ZNF800: variants seen among roughly 807,000 people sequenced by gnomAD.
ZNF800 encodes the protein zinc finger protein 800.
A neutral mutation model predicts 59.5 loss-of-function variants in ZNF800; 13 were observed. The observed-to-expected ratio is 0.22, with a 90% CI of 0.14 to 0.35. ZNF800 has a LOEUF of 0.35. ZNF800 is among the 10% of genes least tolerant of loss of function. The pLI is 1.00. For synonymous variants in ZNF800, 266 were observed against 265.7 expected, an observed-to-expected ratio of 1.00 and a Z score of -0.01; for missense variants, 621 against 783.7, an observed-to-expected ratio of 0.79 and a Z score of 2.48.
chr7:127,343,876 C>T (rs1248115110), downstream of ZNF800, among the ~76,000 whole-genome samples: 7 of 151,988 alleles, frequency 4.6e-5, no homozygotes, highest in African/African-American at 1.7e-4. Context: ...GAAGTAAAAT[C>T]ACATGATCAT....
downstream of ZNF800, among the ~76,000 whole-genome samples, chr7:127,344,517 C>T (rs1472361589): frequency 6.6e-5 from 10 of 151,878 alleles, no homozygotes; most frequent in African/African-American, 2.4e-5. Context: ...GTGACCAAAA[C>T]ATAACTGAAG....
At chr7:127,350,380 T>C (rs1252922139) in intron 1 of ZNF800, 1 of 152,272 alleles carries the variant, frequency 6.6e-6, no homozygotes, top group East Asian at 1.9e-4. Flanking sequence ...TGTTCAGTAG[T>C]ACATCTCAAT....
At chr7:127,383,153 T>G (rs1234738386) in intron 3 of ZNF800, among the ~76,000 whole-genome samples, 1 of 152,172 alleles carries the variant, frequency 6.6e-6, no homozygotes, top group Non-Finnish European at 1.5e-5. Context: ...GTGGTGGACA[T>G]TAAAAATGAG....
chr7:127,377,286 A>G lies in ZNF800; in HGVS notation c.201T>C (p.Thr67=). 6.2e-6 allele frequency: 10 copies of G among 1,610,980 alleles called. No individual in the cohort carries two copies. Among genetic ancestry groups the G allele is most frequent in the Non-Finnish European group, 8.5e-6 (10 of 1,177,720 alleles). The change falls in exon 4 of 6, where the codon ACT becomes ACC. Residue 67 remains threonine, a synonymous_variant. Transcript: ENST00000265827. This position sits in a 1 kb window ranked among gnomAD's most constrained non-coding sequence, Gnocchi z 4.7. ...TGCGGCATAACTTACATTCAAAAAT[A>G]GTGTCCACATCTTTTAATAAAATAT... ...LKHILLKDVD[T]IFECKLCRSL... is the part of the protein sequence containing the mutation.
exon 2 of ZNF800, chr7:127,347,444 T>C (rs1800087792): frequency 6.6e-6 from 1 of 151,420 alleles, no homozygotes; most frequent in South Asian, 2.1e-4. Context: ...GAGGTGAAGG[T>C]TCAAGTAGGA....
In ZNF800 at chr7:127,370,611, T is replaced by A. The variant is rs1800610429; in HGVS notation, c.*1203A>T. On this transcript the variant is annotated 3_prime_UTR_variant, in exon 6 of 6. Transcript: ENST00000265827. ...ATAGATGGACAGGGTCCCTCCTAAG[T>A]ACAGGTGTGAACCTATATAAAAACA... is the stretch of plus-strand genomic sequence containing the variant. 1 of 152,552 alleles carries A rather than the reference T, an allele frequency of 6.6e-6. No individual in the cohort carries two copies. Among genetic ancestry groups the A allele is most frequent in the South Asian group, 2.1e-4 (1 of 4,828 alleles). 9.4% of individuals were successfully genotyped at this position (152,552 alleles called of 1,614,324 possible).
chr7:127,390,456 G>A (rs1226387629), intron 2 of ZNF800, among the ~76,000 whole-genome samples: 1 of 152,096 alleles, frequency 6.6e-6, no homozygotes, highest in African/African-American at 2.4e-5. Flanking sequence ...GTTGTAGTAC[G>A]AATTTTATCC....
At chr7:127,363,515 A>G (rs1042307287) in intron 1 of ZNF800, 3 of 152,056 alleles carry the variant, frequency 2.0e-5, no homozygotes, top group Non-Finnish European at 4.4e-5. Context: ...TACAAAAAAA[A>G]GACAGGACTC....
chr7:127,378,730 C>CACAGAG (rs1554376896), intron 3 of ZNF800, among the ~76,000 whole-genome samples: 3 of 150,004 alleles, frequency 2.0e-5, no homozygotes, highest in East Asian at 1.9e-4. Flanking sequence ...CACACACACA[C>CACAGAG]AGAGAGAGAG....
intron 3 of ZNF800, among the ~76,000 whole-genome samples, chr7:127,382,912 CT>C (rs1378378077): frequency 6.6e-6 from 1 of 152,170 alleles, no homozygotes; most frequent in Non-Finnish European, 1.5e-5. Flanking sequence ...TTATTTTTTC[CT>C]CTATACCCTT....
chr7:127,376,428 C>T (rs1800789449), intron 4 of ZNF800, among the ~76,000 whole-genome samples: 2 of 151,864 alleles, frequency 1.3e-5, no homozygotes, highest in Admixed American at 1.3e-4. Context: ...TTTAAATTTA[C>T]ATTAATTCTT....
intron 1 of ZNF800, among the ~76,000 whole-genome samples, chr7:127,357,972 A>T (rs1459202376): frequency 6.6e-6 from 1 of 152,046 alleles, no homozygotes; most frequent in African/African-American, 2.4e-5. Context: ...AGTATAATAC[A>T]TTGATTCTAT....
chr7:127,372,326 C>T (rs1800653846), intron 5 of ZNF800, among the ~76,000 whole-genome samples: 1 of 151,562 alleles, frequency 6.6e-6, no homozygotes, highest in Non-Finnish European at 1.5e-5. Context: ...ACTAAAAATA[C>T]AAAATTAGCC....
chr7:127,378,642 GTTTACA>G (rs776120170), intron 3 of ZNF800, among the ~76,000 whole-genome samples: 1 of 151,870 alleles, frequency 6.6e-6, no homozygotes, highest in Admixed American at 6.6e-5. Context: ...TTTGCAATCT[GTTTACA>G]TTTAATCTTT....
chr7:127,376,472 G>T (rs1320225918), intron 4 of ZNF800, among the ~76,000 whole-genome samples: 2 of 151,824 alleles, frequency 1.3e-5, no homozygotes, highest in East Asian at 3.8e-4. Flanking sequence ...TACACTGCCA[G>T]CCTCATCACA....
chr7:127,351,871 T>A (rs995388446), intron 1 of ZNF800, among the ~76,000 whole-genome samples: 1 of 152,210 alleles, frequency 6.6e-6, no homozygotes, highest in African/African-American at 2.4e-5. Context: ...ACTGACATCA[T>A]ATACTCAAAT....
chr7:127,385,980 T>C, intron 3 of ZNF800, 80 bp downstream of exon 3: 1 of 927,018 alleles, frequency 1.1e-6, no homozygotes, highest in East Asian at 2.6e-5. Flanking sequence ...TAATGTTTTT[T>C]AAAAATTATT....
intron 1 of ZNF800, chr7:127,361,070 G>C (rs1272547970): frequency 6.6e-6 from 1 of 152,244 alleles, no homozygotes; most frequent in Non-Finnish European, 1.5e-5. Flanking sequence ...CAGTCTAGTT[G>C]GGGAGACCCA....
intron 1 of ZNF800, among the ~76,000 whole-genome samples, chr7:127,352,105 A>G (rs1800177619): frequency 6.6e-6 from 1 of 152,256 alleles, no homozygotes; most frequent in South Asian, 2.1e-4. Flanking sequence ...AAGGATAAAT[A>G]AAATTGAAGA....
Sources: allele counts gnomAD v4.1 joint callset (sites outside exome capture counted in the v4.1 genomes callset), GRCh38; gene constraint gnomAD v4.1.1; non-coding constraint Gnocchi (gnomAD v3.1); transcripts MANE v1.5; gene names NCBI Gene and HGNC (gene_info 2026-07-23, HGNC 2026-07-21).